Variants in LRP1B observed in about 807,000 individuals in gnomAD.
The protein encoded by LRP1B is LDL receptor related protein 1B.
A neutral mutation model predicts 556.6 loss-of-function variants in LRP1B; 217 were observed. The ratio of observed to expected loss-of-function variants is 0.39; its 90% CI spans 0.35 to 0.44. LRP1B has a LOEUF of 0.44. Among genes scored for constraint, LRP1B ranks in the 20% least tolerant of loss-of-function variants. The pLI, the probability that LRP1B is intolerant of heterozygous loss-of-function variation, is 1.00. For missense variants in LRP1B, 5,053 were observed against 5,620.8 expected (o/e 0.90, Z 3.23); for synonymous variants, 2,047 against 1,865.8 (o/e 1.10, Z -2.50).
chr2:141,306,906 G>T (rs1477068685), intron 3 of LRP1B, among the ~76,000 whole-genome samples: 1 of 151,950 alleles, frequency 6.6e-6, no homozygotes, highest in Non-Finnish European at 1.5e-5. Context: ...CAATATATTT[G>T]TTCAGTTTCC....
intron 2 of LRP1B, among the ~76,000 whole-genome samples, chr2:141,763,420 T>C (rs1285119093): frequency 6.6e-6 from 1 of 152,074 alleles, no homozygotes. Flanking sequence ...ATAGATTACA[T>C]TAAAAAGAAG....
intron 80 of LRP1B, among the ~76,000 whole-genome samples, chr2:140,325,296 G>C (rs772849758): frequency 1.7e-4 from 26 of 152,062 alleles, no homozygotes; most frequent in Non-Finnish European, 3.2e-4. Context: ...GTCACTGGTG[G>C]TAGAGTTAAA....
At chr2:140,686,788 C>A (rs1262520689) in intron 41 of LRP1B, among the ~76,000 whole-genome samples, 2 of 151,570 alleles carry the variant, frequency 1.3e-5, no homozygotes, top group African/African-American at 4.8e-5. Context: ...GAAAATATGT[C>A]CATCGATAGG....
chr2:141,172,485 T>C (rs1558909856), intron 7 of LRP1B, among the ~76,000 whole-genome samples: 1 of 152,070 alleles, frequency 6.6e-6, no homozygotes, highest in East Asian at 1.9e-4. Context: ...ATAATCTTAC[T>C]GACTAAAATG....
At chr2:141,975,735 T>G (rs1701868840) in intron 1 of LRP1B, among the ~76,000 whole-genome samples, 1 of 152,072 alleles carries the variant, frequency 6.6e-6, no homozygotes. Context: ...CCAAGCAGAT[T>G]CAGCAATGAA....
At chr2:140,766,840 TATATTATATA>T (rs1559106328) in intron 35 of LRP1B, among the ~76,000 whole-genome samples, 1 of 73,688 alleles carries the variant, frequency 1.4e-5, no homozygotes, top group South Asian at 3.4e-4. Context: ...TATATATATA[TATATTATATA>T]TATATATATA....
intron 60 of LRP1B, among the ~76,000 whole-genome samples, chr2:140,474,506 AT>A (rs1288221798): frequency 6.6e-6 from 1 of 151,982 alleles, no homozygotes; most frequent in East Asian, 1.9e-4. Context: ...GTGAAGATCA[AT>A]AAAAATTCAT....
intron 25 of LRP1B, among the ~76,000 whole-genome samples, chr2:140,874,739 C>T (rs1693250524): frequency 6.6e-6 from 1 of 151,942 alleles, no homozygotes; most frequent in African/African-American, 2.4e-5. Context: ...GGACACCAGG[C>T]TGGGCGTGGT....
At position 140,335,867 on chromosome 2, in the gene LRP1B, G is replaced by A. The variant is rs375664863; in HGVS notation, c.11893-29C>T. Reference sequence around the variant, plus strand: ...CAAGGAAACAAAACAACACACCACGGTATTTTCAACAGGAAATTAGCGGAG... The same window carrying A: ...CAAGGAAACAAAACAACACACCACGATATTTTCAACAGGAAATTAGCGGAG... On this transcript the variant is annotated intron_variant, in intron 77 of 90. Coordinates refer to ENST00000389484, the MANE Select transcript of LRP1B (RefSeq NM_018557.3). 1.3e-5 allele frequency: 18 copies of A among 1,392,546 alleles called. No individual in the cohort carries two copies. In the African/African-American group the frequency reaches 2.6e-4, roughly 20 times the overall value. The allele number at this position is 1,392,546 out of a possible 1,614,324, so 86.3% of individuals were successfully genotyped here. A position where few individuals can be genotyped will look rare whatever the true frequency, so the allele number is the denominator to read the frequency against.
intron 7 of LRP1B, among the ~76,000 whole-genome samples, chr2:141,121,993 A>C (rs1174880874): frequency 1.3e-5 from 2 of 152,092 alleles, no homozygotes; most frequent in East Asian, 1.9e-4. Flanking sequence ...CAAAAACAAG[A>C]AATGGGGAAA....
chr2:140,813,313 C>T (rs1690992134), intron 32 of LRP1B, among the ~76,000 whole-genome samples: 1 of 152,110 alleles, frequency 6.6e-6, no homozygotes, highest in Non-Finnish European at 1.5e-5. Flanking sequence ...TGGAGATAAG[C>T]CAGGTTTGAC....
At chr2:140,766,824 T>A (rs1220509740) in intron 35 of LRP1B, among the ~76,000 whole-genome samples, 6 of 74,920 alleles carry the variant, frequency 8.0e-5, no homozygotes, top group African/African-American at 2.2e-4. Context: ...CTTTGTAAAA[T>A]ATATATATAT....
intron 1 of LRP1B, among the ~76,000 whole-genome samples, chr2:142,108,331 A>G (rs1430841040): frequency 6.6e-6 from 1 of 152,136 alleles, no homozygotes; most frequent in Non-Finnish European, 1.5e-5. Flanking sequence ...GGAAATAGCA[A>G]TCCAAAATTT....
At chr2:142,080,980 G>C (rs1406300862) in intron 1 of LRP1B, among the ~76,000 whole-genome samples, 2 of 152,136 alleles carry the variant, frequency 1.3e-5, no homozygotes, top group African/African-American at 2.4e-5. Context: ...GAAGAAAGAA[G>C]GATTGATGAG....
At chr2:141,227,914 T>G (rs906110567) in intron 6 of LRP1B, among the ~76,000 whole-genome samples, 27 of 152,130 alleles carry the variant, frequency 1.8e-4, no homozygotes, top group African/African-American at 6.5e-4. Flanking sequence ...ATTGTACACA[T>G]GTCTCTTCAT....
chr2:141,570,884 T>C (rs1686503651), intron 2 of LRP1B, among the ~76,000 whole-genome samples: 2 of 150,704 alleles, frequency 1.3e-5, no homozygotes, highest in East Asian at 3.9e-4. Context: ...AGCCAGAGGC[T>C]CAGGGACAGA....
At chr2:141,214,869 T>C (rs1682727759) in intron 6 of LRP1B, among the ~76,000 whole-genome samples, 1 of 152,214 alleles carries the variant, frequency 6.6e-6, no homozygotes, top group South Asian at 2.1e-4. Flanking sequence ...TTACTGATGA[T>C]GCAGATAAGT....
chr2:141,264,655 A>G (rs1684820943), intron 3 of LRP1B, among the ~76,000 whole-genome samples: 1 of 152,082 alleles, frequency 6.6e-6, no homozygotes, highest in South Asian at 2.1e-4. Context: ...GGGTTTCACC[A>G]TGTTGGCCAG....
intron 2 of LRP1B, among the ~76,000 whole-genome samples, chr2:141,608,917 A>G (rs531828484): frequency 5.9e-5 from 9 of 152,328 alleles, no homozygotes; most frequent in African/African-American, 2.2e-4. Context: ...CCAAAATGTA[A>G]TAATGAATCT....
Sources: gnomAD v4.1 joint callset for allele counts (sites outside exome capture counted in the v4.1 genomes callset) on GRCh38, gnomAD v4.1.1 for gene constraint, MANE v1.5 for transcripts, NCBI Gene and HGNC (gene_info 2026-07-23, HGNC 2026-07-21) for gene names.